The following TBXAS1 variants were observed in gnomAD, a reference collection of about 807,000 sequenced individuals.
The protein encoded by TBXAS1 is thromboxane A synthase 1, also known as thromboxane-A synthase.
TBXAS1 carries 48 observed loss-of-function variants against 60.7 expected under a neutral mutation model. The ratio of observed to expected loss-of-function variants is 0.79; its 90% CI spans 0.63 to 1.01. The LOEUF (loss-of-function observed/expected upper bound fraction) is 1.01, where lower values mean the gene tolerates loss of function less well. Ranked by LOEUF, TBXAS1 falls within the 50% of genes least tolerant of loss-of-function variation. TBXAS1 has a pLI of 0.00. For missense variants in TBXAS1, 685 were observed against 686.3 expected (o/e 1.00, Z 0.02); for synonymous variants, 287 against 269.7 (o/e 1.06, Z -0.63).
chr7:140,012,090 G>A (rs776339118), intron 10 of TBXAS1, among the ~76,000 whole-genome samples: 5 of 152,236 alleles, frequency 3.3e-5, no homozygotes, highest in Non-Finnish European at 5.9e-5. Context: ...GCCCGTGTAC[G>A]GGATTCATTA....
intron 4 of TBXAS1, chr7:139,913,131 C>T (rs919749090): frequency 2.3e-5 from 16 of 702,690 alleles, no homozygotes; most frequent in South Asian, 1.2e-4. Flanking sequence ...TGGAGGGAGG[C>T]GGCTGGCCTG....
intron 10 of TBXAS1, among the ~76,000 whole-genome samples, chr7:140,015,145 G>A (rs1233473499): frequency 6.6e-6 from 1 of 152,188 alleles, no homozygotes; most frequent in Non-Finnish European, 1.5e-5. Context: ...GACCAAGTCA[G>A]ATGAAGACTG....
chr7:139,955,759 C>T (rs931987360), intron 7 of TBXAS1, 152 bp downstream of exon 7: 17 of 1,169,954 alleles, frequency 1.5e-5, no homozygotes, highest in Admixed American at 2.0e-5. Context: ...ATGGAGCCAC[C>T]GGGTTCCTCT....
At chr7:139,909,586 C>G (rs1805359380) in intron 3 of TBXAS1, among the ~76,000 whole-genome samples, 2 of 152,290 alleles carry the variant, frequency 1.3e-5, no homozygotes, top group South Asian at 4.1e-4. Flanking sequence ...AATACGATGA[C>G]TCAGGTAAAT....
chr7:139,794,900 A>C (rs1285137197), intron 4 of TBXAS1, among the ~76,000 whole-genome samples: 80 of 132,894 alleles, frequency 6.0e-4, no homozygotes, highest in South Asian at 1.3e-3. Flanking sequence ...ACATTTTCTT[A>C]ATCCAGTCTA....
chr7:140,015,294 G>C (rs1814938401), intron 10 of TBXAS1, among the ~76,000 whole-genome samples: 1 of 152,086 alleles, frequency 6.6e-6, no homozygotes, highest in African/African-American at 2.4e-5. Context: ...GGGTGAGCAA[G>C]GGCAATTTTA....
At chr7:139,851,462 A>C (rs184442545) in intron 1 of TBXAS1, among the ~76,000 whole-genome samples, 141 of 152,384 alleles carry the variant, frequency 9.3e-4, no homozygotes, top group African/African-American at 3.3e-3. Context: ...AGCTATTATT[A>C]AACATACAGT....
At chr7:139,886,852 T>G (rs1803152046) in intron 3 of TBXAS1, among the ~76,000 whole-genome samples, 1 of 152,172 alleles carries the variant, frequency 6.6e-6, no homozygotes, top group African/African-American at 2.4e-5. Flanking sequence ...AGCCTAAAGA[T>G]TGTTAGCTGC....
At chr7:139,997,231 T>C (rs956460275) in intron 9 of TBXAS1, among the ~76,000 whole-genome samples, 1 of 152,148 alleles carries the variant, frequency 6.6e-6, no homozygotes, top group African/African-American at 2.4e-5. Context: ...CCAGGATCTG[T>C]GGGGTGAGTG....
intron 1 of TBXAS1, among the ~76,000 whole-genome samples, chr7:139,842,954 A>G (rs1799561319): frequency 6.6e-6 from 1 of 152,220 alleles, no homozygotes; most frequent in Admixed American, 6.5e-5. Context: ...AGCTCTACCA[A>G]TAGTGGCTTC....
rs567110180 is a variant in TBXAS1, at chr7:139,911,326, G to A, written c.333+5G>A. On this transcript the variant is annotated splice_donor_5th_base_variant and intron_variant, in intron 4 of 12. Transcript: ENST00000448866. ...AGTAACTTTACCAACAGAATGGTAC[G>A]TAGTTTTCTTTCCGCATATAGATGG... is the stretch of plus-strand genomic sequence containing the variant. The A allele has an allele frequency of 8.7e-6, 14 of 1,612,110 alleles. No individual in the cohort carries two copies. Among genetic ancestry groups the A allele is most frequent in the East Asian group, 4.5e-5 (2 of 44,870 alleles).
At chr7:139,968,292 G>A (rs1183001496) in intron 9 of TBXAS1, among the ~76,000 whole-genome samples, 1 of 151,944 alleles carries the variant, frequency 6.6e-6, no homozygotes, top group Non-Finnish European at 1.5e-5. Flanking sequence ...GTTTGTTTTT[G>A]TTTTGTTTTG....
At position 139,829,403 on chromosome 7, in the gene TBXAS1, G is replaced by A; in HGVS notation, c.13G>A (p.Gly5Arg). 1.2e-6 allele frequency: 2 copies of A among 1,613,776 alleles called. No homozygotes were observed. Among genetic ancestry groups the A allele is most frequent in the Middle Eastern group, 3.3e-4 (2 of 6,062 alleles). ...TCTCAGAGGAATGATGGAAGCCTTG[G>A]GGTTTCTAAAATTGGAAGTGAATGG... MEAL[G>R]FLKLEVNGPM... Residue 5 changes from glycine to arginine, a missense_variant, in exon 1 of 13, where the codon GGG (glycine) becomes AGG (arginine). Coordinates refer to ENST00000448866, the MANE Select transcript of TBXAS1 (RefSeq NM_001061.7).
rs10253013 is a variant in TBXAS1 at position 140,001,469 on chromosome 7, G to A, written c.1135-5622G>A. Among the ~76,000 whole-genome samples, 294 of 152,142 alleles carry A rather than the reference G, an allele frequency of 1.9e-3. 4 individuals carry two copies. The highest frequency in any genetic ancestry group is 6.7e-3 in the African/African-American group (277 of 41,512). ...TGCAGTGGCACTATCTCGGCTCACC[G>A]CAACCTCTACCTCCCAGGCTCGAGC... On this transcript the variant is annotated intron_variant, in intron 9 of 12. Transcript: ENST00000448866.
At chr7:139,824,953 C>T (rs935057466), upstream of TBXAS1, among the ~76,000 whole-genome samples, 1 of 151,436 alleles carries the variant, frequency 6.6e-6, no homozygotes, top group Non-Finnish European at 1.5e-5. Context: ...CCTCAGCCTC[C>T]AAAGTAGCTG....
chr7:139,829,174 A>T (rs950104880), upstream of TBXAS1: 10 of 674,480 alleles, frequency 1.5e-5, no homozygotes, highest in African/African-American at 1.8e-4. Flanking sequence ...TTGCTGATTC[A>T]TTCCTTTACA....
rs191686428 is a variant in TBXAS1, at chr7:139,781,911, T to C, written c.-232-755T>C. Among the ~76,000 whole-genome samples the C allele has an allele frequency of 3.6e-4, 55 of 151,578 alleles. No individual in the cohort carries two copies. The East Asian group carries it at 9.3e-3, about 26-fold the overall frequency. On this transcript the variant is annotated intron_variant, in intron 2 of 16. Coordinates refer to the TBXAS1 transcript ENST00000336425. Reference sequence around the variant, plus strand: ...GCAACAAGAGTTGCATTAGTGACTTTGGTGAAACTAGTTTGGAGGGAAATA... The same window carrying C: ...GCAACAAGAGTTGCATTAGTGACTTCGGTGAAACTAGTTTGGAGGGAAATA...
At chr7:139,796,481 G>T (rs1437749043) in intron 4 of TBXAS1, among the ~76,000 whole-genome samples, 1 of 152,236 alleles carries the variant, frequency 6.6e-6, no homozygotes, top group Non-Finnish European at 1.5e-5. Flanking sequence ...AGGATCTGGG[G>T]GAGACAGAGG....
At chr7:139,806,832 G>A (rs980412493) in intron 4 of TBXAS1, among the ~76,000 whole-genome samples, 4 of 152,180 alleles carry the variant, frequency 2.6e-5, no homozygotes, top group East Asian at 3.9e-4. Context: ...CCTCCTTGGT[G>A]ACCTCACACA....
Sources: allele counts gnomAD v4.1 joint callset (sites outside exome capture counted in the v4.1 genomes callset), GRCh38; gene constraint gnomAD v4.1.1; transcripts MANE v1.5; gene names NCBI Gene and HGNC (gene_info 2026-07-23, HGNC 2026-07-21).